The following P3H2 variants were observed in gnomAD, a reference collection of about 807,000 sequenced individuals.
P3H2 encodes the protein leprecan-like 1.
A neutral mutation model predicts 87.0 loss-of-function variants in P3H2; 80 were observed. That is an observed-to-expected ratio of 0.92 (90% CI 0.77 to 1.11). The LOEUF (loss-of-function observed/expected upper bound fraction) is 1.11, where lower values mean the gene tolerates loss of function less well. Among genes scored for constraint, P3H2 ranks in the 50% least tolerant of loss-of-function variants. The pLI is 0.00. For missense variants in P3H2, 1,001 were observed against 923.9 expected (o/e 1.08, Z -1.08); for synonymous variants, 367 against 359.3 (o/e 1.02, Z -0.24).
At chr3:189,977,395 C>T (rs1003563499) in intron 8 of P3H2, among the ~76,000 whole-genome samples, 11 of 152,166 alleles carry the variant, frequency 7.2e-5, no homozygotes, top group Non-Finnish European at 1.3e-4. Flanking sequence ...CAACTAGGAA[C>T]TAAAAGGCCA....
chr3:189,987,341 T>A (rs1435120202), intron 5 of P3H2, among the ~76,000 whole-genome samples, 186 bp downstream of exon 5: 1 of 151,634 alleles, frequency 6.6e-6, no homozygotes, highest in Non-Finnish European at 1.5e-5. Flanking sequence ...TAGCCGGGTG[T>A]GGTGGCATGT....
chr3:190,028,854 C>A (rs1725167619), intron 1 of P3H2, among the ~76,000 whole-genome samples: 2 of 151,800 alleles, frequency 1.3e-5, no homozygotes, highest in Non-Finnish European at 2.9e-5. Context: ...TCAGAAAGTT[C>A]ATTCCTTAAA....
intron 13 of P3H2, among the ~76,000 whole-genome samples, chr3:189,967,481 CT>C (rs1220331320): frequency 6.8e-6 from 1 of 147,690 alleles, no homozygotes; most frequent in African/African-American, 2.5e-5. Flanking sequence ...GCAAAGAAAT[CT>C]TTTCAACCAC....
At chr3:190,078,609 G>A (rs1726945620) in intron 1 of P3H2, among the ~76,000 whole-genome samples, 1 of 152,058 alleles carries the variant, frequency 6.6e-6, no homozygotes, top group Admixed American at 6.5e-5. Context: ...ATGAGACAAG[G>A]GAGACATACT....
chr3:190,015,434 G>A (rs1222360328), intron 1 of P3H2, among the ~76,000 whole-genome samples: 1 of 152,140 alleles, frequency 6.6e-6, no homozygotes, highest in Non-Finnish European at 1.5e-5. Flanking sequence ...CTTACTCAGA[G>A]CCCCCTTGGC....
intron 8 of P3H2, among the ~76,000 whole-genome samples, chr3:189,979,666 A>C (rs917690776): frequency 2.0e-5 from 3 of 151,956 alleles, no homozygotes; most frequent in African/African-American, 7.2e-5. Context: ...CAACCTTTAA[A>C]AATCTGGTGG....
chr3:190,053,724 C>T (rs1426291810), intron 1 of P3H2, among the ~76,000 whole-genome samples: 1 of 152,108 alleles, frequency 6.6e-6, no homozygotes, highest in Non-Finnish European at 1.5e-5. Context: ...TCCCAAAGTG[C>T]TGGGATTACA....
At chr3:189,966,573 G>T (rs1723014329) in intron 13 of P3H2, among the ~76,000 whole-genome samples, 1 of 152,188 alleles carries the variant, frequency 6.6e-6, no homozygotes, top group Admixed American at 6.5e-5. Flanking sequence ...TAGTGAACCT[G>T]CTTCCATGTG....
intron 1 of P3H2, among the ~76,000 whole-genome samples, chr3:190,034,391 T>C (rs893331998): frequency 2.0e-5 from 3 of 152,232 alleles, no homozygotes; most frequent in Non-Finnish European, 4.4e-5. Flanking sequence ...TATTTGGACA[T>C]TGAGTTTCAC....
chr3:189,998,891 G>A (rs1724128694), intron 1 of P3H2, among the ~76,000 whole-genome samples: 1 of 152,096 alleles, frequency 6.6e-6, no homozygotes, highest in Admixed American at 6.5e-5. Flanking sequence ...CTCATAAGGA[G>A]CACACAACCT....
chr3:189,988,582 A>G (rs1356562986), intron 4 of P3H2, among the ~76,000 whole-genome samples: 1 of 152,198 alleles, frequency 6.6e-6, no homozygotes, highest in Non-Finnish European at 1.5e-5. Flanking sequence ...GATAATAAAT[A>G]ATGTTTTGTT....
intron 4 of P3H2, 90 bp from the exon 5 acceptor site, chr3:189,987,759 A>G: frequency 7.0e-7 from 1 of 1,421,466 alleles, no homozygotes; most frequent in Non-Finnish European, 9.9e-7. Flanking sequence ...TACAAAGGTC[A>G]GCATTAAACA....
intron 1 of P3H2, among the ~76,000 whole-genome samples, chr3:190,066,138 G>GGTGTGT (rs144807223): frequency 1.5e-5 from 2 of 130,072 alleles, no homozygotes; most frequent in African/African-American, 6.2e-5. Context: ...AAGAAACTGT[G>GGTGTGT]GTGTGTATAT....
At chr3:190,027,759 G>A (rs1346238674) in intron 1 of P3H2, among the ~76,000 whole-genome samples, 1 of 151,588 alleles carries the variant, frequency 6.6e-6, no homozygotes. Flanking sequence ...ATCACTCACT[G>A]CTCAGGATTT....
intron 1 of P3H2, among the ~76,000 whole-genome samples, chr3:190,018,420 T>C (rs1231619607): frequency 6.6e-6 from 1 of 152,174 alleles, no homozygotes; most frequent in African/African-American, 2.4e-5. Context: ...AAGGCTTAGA[T>C]AAGTAGGCCA....
At chr3:189,976,540 G>T (rs112329412) in intron 8 of P3H2, among the ~76,000 whole-genome samples, 2,197 of 152,306 alleles carry the variant, frequency 0.014, 62 homozygotes, top group African/African-American at 0.05. Context: ...GACATATGGG[G>T]ATTATTACAA....
intron 3 of P3H2, among the ~76,000 whole-genome samples, chr3:189,992,936 T>C (rs113470619): frequency 2.3e-3 from 348 of 152,364 alleles, no homozygotes; most frequent in Non-Finnish European, 3.9e-3. Flanking sequence ...TTTGTGTTTG[T>C]AGATCAGCTT....
chr3:190,073,491 T>C (rs1311435033), intron 1 of P3H2, among the ~76,000 whole-genome samples: 1 of 152,130 alleles, frequency 6.6e-6, no homozygotes, highest in Non-Finnish European at 1.5e-5. Flanking sequence ...TGCTTGAGCA[T>C]AGATGGTAAG....
intron 14 of P3H2, among the ~76,000 whole-genome samples, chr3:189,959,008 C>A (rs1273544473): frequency 6.6e-6 from 1 of 151,994 alleles, no homozygotes; most frequent in Non-Finnish European, 1.5e-5. Flanking sequence ...CTCTTGAGAG[C>A]CACCATTGTA....
Sources: allele counts gnomAD v4.1 joint callset (sites outside exome capture counted in the v4.1 genomes callset), GRCh38; gene constraint gnomAD v4.1.1; transcripts MANE v1.5; gene names NCBI Gene and HGNC (gene_info 2026-07-23, HGNC 2026-07-21).